TBCK: variants seen among roughly 807,000 people sequenced by gnomAD.
The protein encoded by TBCK is TBC domain-containing protein kinase-like protein.
In TBCK, 99 loss-of-function variants were observed where a neutral mutation model predicts 113.4. That is an observed-to-expected ratio of 0.87 (90% CI 0.74 to 1.03). The LOEUF (loss-of-function observed/expected upper bound fraction) is 1.03. TBCK is among the 50% of genes least tolerant of loss of function. The probability of loss-of-function intolerance (pLI) is 0.00; values close to 1 mark genes in which losing one functional copy is unlikely to be tolerated. For missense variants in TBCK, 1,045 were observed against 1,061.3 expected, an observed-to-expected ratio of 0.98 and a Z score of 0.21; for synonymous variants, 369 against 370.8, an observed-to-expected ratio of 1.00 and a Z score of 0.05.
At chr4:106,052,764 A>C (rs1038363644) in intron 25 of TBCK, among the ~76,000 whole-genome samples, 2 of 151,672 alleles carry the variant, frequency 1.3e-5, no homozygotes, top group African/African-American at 4.8e-5. Flanking sequence ...AAAAAGTCAA[A>C]AAATATATAA....
intron 24 of TBCK, among the ~76,000 whole-genome samples, chr4:106,102,855 G>T (rs1741709999): frequency 6.6e-6 from 1 of 152,050 alleles, no homozygotes; most frequent in Admixed American, 6.6e-5. Context: ...ATTGTACAGG[G>T]TCACATTTTG....
At chr4:106,149,509 G>A (rs909035483) in intron 23 of TBCK, among the ~76,000 whole-genome samples, 1 of 152,156 alleles carries the variant, frequency 6.6e-6, no homozygotes, top group South Asian at 2.1e-4. Flanking sequence ...GGAATAGGGA[G>A]ACACATGAAG....
rs766079704 is a variant in TBCK, at chr4:106,244,666, C to G, written c.1030G>C (p.Glu344Gln). The change falls in exon 11 of 26, where the codon GAA (glutamate) becomes CAA (glutamine). Residue 344 changes from glutamate (E) to glutamine (Q), a missense_variant. Physicochemically the swap from Glu to Gln is conservative, Grantham distance 29. Transcript: ENST00000394708. ...ATAGGTGGTTTGGATCGAATGATTTCCTTGTTGACAAGCTCTTTCTCCAAG... is the reference window on the plus strand; with the variant it reads ...ATAGGTGGTTTGGATCGAATGATTTGCTTGTTGACAAGCTCTTTCTCCAAG... ...GDLEKELVNK[E>Q]IIRSKPPICT... The G allele has an allele frequency of 6.2e-7, 1 of 1,612,018 alleles. No individual in the cohort carries two copies. Among genetic ancestry groups the G allele is most frequent in the African/African-American group, 1.3e-5 (1 of 74,704 alleles).
At chr4:106,163,139 T>C (rs1749979254) in intron 23 of TBCK, 3 of 152,210 alleles carry the variant, frequency 2.0e-5, no homozygotes, top group African/African-American at 7.2e-5. Context: ...GCTGCCAGTT[T>C]CTTTGCTAAA....
chr4:106,289,519 C>T (rs1187697574), intron 3 of TBCK, among the ~76,000 whole-genome samples: 1 of 151,832 alleles, frequency 6.6e-6, no homozygotes, highest in African/African-American at 2.4e-5. Context: ...GCCTGTAATC[C>T]CAGCACTTTG....
chr4:106,205,690 C>T (rs1341882494), intron 20 of TBCK, among the ~76,000 whole-genome samples: 3 of 148,916 alleles, frequency 2.0e-5, no homozygotes, highest in East Asian at 2.0e-4. Context: ...CGCTTGAACC[C>T]GGGAGGCAGA....
chr4:106,293,763 T>C (rs1049470338), intron 3 of TBCK, among the ~76,000 whole-genome samples: 2 of 152,212 alleles, frequency 1.3e-5, no homozygotes, highest in Admixed American at 6.5e-5. Flanking sequence ...GAAAAAGATT[T>C]TTCATCTAGA....
At position 106,043,825 on chromosome 4, in the gene TBCK, T is replaced by C. The variant is rs969006527; in HGVS notation, c.*2745A>G. On this transcript the variant is annotated 3_prime_UTR_variant, in exon 26 of 26. Transcript: ENST00000394708. Reference sequence around the variant, plus strand: ...CAGGTAAAGCCAGAAACAGTGCTGATAGTCATCGTGTAGGAATCAATAATA... The same window carrying C: ...CAGGTAAAGCCAGAAACAGTGCTGACAGTCATCGTGTAGGAATCAATAATA... 2 of 152,022 alleles carry C rather than the reference T, an allele frequency of 1.3e-5. No individual in the cohort carries two copies. Among genetic ancestry groups the C allele is most frequent in the African/African-American group, 4.8e-5 (2 of 41,374 alleles). The allele number at this position is 152,022 out of a possible 1,614,324, so 9.4% of individuals were successfully genotyped here.
At chr4:106,260,397 G>T in intron 5 of TBCK, 40 bp downstream of exon 5, 2 of 817,794 alleles carry the variant, frequency 2.4e-6, no homozygotes, top group Non-Finnish European at 3.5e-6. Context: ...AGATTACAAA[G>T]TTAAAAAGAA....
chr4:106,061,841 C>T (rs927654927), intron 25 of TBCK, among the ~76,000 whole-genome samples: 2 of 151,748 alleles, frequency 1.3e-5, no homozygotes, highest in Middle Eastern at 3.4e-3. Flanking sequence ...CAAACTTGTC[C>T]CCAAATGGAA....
intron 23 of TBCK, among the ~76,000 whole-genome samples, chr4:106,137,112 T>A (rs1167769777): frequency 7.1e-6 from 1 of 139,886 alleles, no homozygotes; most frequent in Non-Finnish European, 1.6e-5. Context: ...GTCAAAGATG[T>A]GGTTAGAGAT....
At chr4:106,123,111 G>T (rs1376487760) in intron 23 of TBCK, among the ~76,000 whole-genome samples, 1 of 152,168 alleles carries the variant, frequency 6.6e-6, no homozygotes, top group African/African-American at 2.4e-5. Flanking sequence ...TGACATGAGT[G>T]TATATCTAGA....
chr4:106,290,545 C>T (rs1472189403), intron 3 of TBCK, among the ~76,000 whole-genome samples: 2 of 152,176 alleles, frequency 1.3e-5, no homozygotes, highest in Admixed American at 6.5e-5. Context: ...TATAAAAACA[C>T]ATTTACTAAA....
In TBCK at chr4:106,308,782, G is replaced by C; in HGVS notation, c.179C>G (p.Ser60Cys). The C allele has an allele frequency of 6.2e-7, 1 of 1,612,284 alleles. No individual in the cohort carries two copies. Among genetic ancestry groups the C allele is most frequent in the Non-Finnish European group, 8.5e-7 (1 of 1,179,544 alleles). The change falls in exon 2 of 26, where the codon TCT becomes TGT. Residue 60 changes from serine (S) to cysteine (C), a missense_variant. By Grantham distance (112) the Ser-to-Cys change is moderately radical. Transcript: ENST00000394708. ...AAATAACTTACCATGCTTTCCCCTAGAAATATCCACATACTGGCAGAGTCT... is the reference window on the plus strand; with the variant it reads ...AAATAACTTACCATGCTTTCCCCTACAAATATCCACATACTGGCAGAGTCT... ...HPRLCQYVDI[S>C]RGKHERLVVV...
At chr4:106,285,094 G>A (rs1764985055) in intron 3 of TBCK, among the ~76,000 whole-genome samples, 1 of 152,006 alleles carries the variant, frequency 6.6e-6, no homozygotes, top group Non-Finnish European at 1.5e-5. Flanking sequence ...TTGAACTATG[G>A]CACAGATAAC....
chr4:106,301,806 A>G (rs1191105286), intron 2 of TBCK, among the ~76,000 whole-genome samples: 2 of 152,194 alleles, frequency 1.3e-5, no homozygotes, highest in African/African-American at 4.8e-5. Context: ...ATATCTGCAT[A>G]GCAAGAACAG....
In TBCK at chr4:106,045,430, G is replaced by A. The variant is rs1205216357; in HGVS notation, c.*1140C>T. On this transcript the variant is annotated 3_prime_UTR_variant, in exon 26 of 26. Coordinates refer to ENST00000394708, the MANE Select transcript of TBCK (RefSeq NM_001163435.3). ...TACTCATTTTAAAAACAATGTGGCA[G>A]AGGCAGAGGTTGTTAGCTGTACCTC... is the stretch of plus-strand genomic sequence containing the variant. 1.3e-5 allele frequency: 2 copies of A among 152,186 alleles called. No individual in the cohort carries two copies. The highest frequency in any genetic ancestry group is 4.8e-5 in the African/African-American group (2 of 41,442). The allele number at this position is 152,186 out of a possible 1,614,324, so 9.4% of individuals were successfully genotyped here.
At chr4:106,173,941 C>A (rs902078564) in intron 22 of TBCK, among the ~76,000 whole-genome samples, 1 of 152,068 alleles carries the variant, frequency 6.6e-6, no homozygotes. Context: ...AATTAAAGCT[C>A]CATGAGGTAT....
At chr4:106,221,332 T>C (rs953339788) in intron 19 of TBCK, among the ~76,000 whole-genome samples, 2 of 151,830 alleles carry the variant, frequency 1.3e-5, no homozygotes, top group Non-Finnish European at 2.9e-5. Context: ...TACATATATA[T>C]ACACACACAC....
Sources: allele counts gnomAD v4.1 joint callset (sites outside exome capture counted in the v4.1 genomes callset), GRCh38; gene constraint gnomAD v4.1.1; transcripts MANE v1.5; gene names NCBI Gene and HGNC (gene_info 2026-07-23, HGNC 2026-07-21).